RABGAP1L: variants seen among roughly 807,000 people sequenced by gnomAD.
RABGAP1L encodes the protein rab GTPase-activating protein 1-like.
Under a neutral mutation model 137.7 loss-of-function variants are expected in RABGAP1L, and 63 were observed. The observed-to-expected ratio is 0.46, with a 90% CI of 0.37 to 0.56. The LOEUF (loss-of-function observed/expected upper bound fraction) is 0.56, where lower values mean the gene tolerates loss of function less well. Among genes scored for constraint, RABGAP1L ranks in the 20% least tolerant of loss-of-function variants. RABGAP1L has a pLI of 0.00. For missense variants in RABGAP1L, 1,095 were observed against 1,244.0 expected (o/e 0.88, Z 1.80); for synonymous variants, 431 against 433.7 (o/e 0.99, Z 0.08).
intron 13 of RABGAP1L, among the ~76,000 whole-genome samples, chr1:174,474,131 A>G (rs1658240935): frequency 6.6e-6 from 1 of 152,202 alleles, no homozygotes; most frequent in African/African-American, 2.4e-5. Context: ...CCTAGTATAT[A>G]GTAGGTAGTT....
intron 11 of RABGAP1L, among the ~76,000 whole-genome samples, chr1:174,312,172 T>G (rs1678918234): frequency 6.6e-6 from 1 of 152,222 alleles, no homozygotes; most frequent in Non-Finnish European, 1.5e-5. Flanking sequence ...ACCTCCAAAC[T>G]GTTCTATATA....
intron 13 of RABGAP1L, among the ~76,000 whole-genome samples, chr1:174,502,668 G>A (rs550105910): frequency 2.4e-4 from 35 of 145,666 alleles, no homozygotes; most frequent in South Asian, 1.9e-3. Flanking sequence ...ATGTGTGTGT[G>A]TATATATACA....
intron 13 of RABGAP1L, among the ~76,000 whole-genome samples, chr1:174,452,719 G>A (rs758707189): frequency 7.2e-5 from 11 of 152,004 alleles, no homozygotes; most frequent in African/African-American, 2.4e-4. Context: ...CTGCCACCAC[G>A]CCCAGCTAAT....
intron 13 of RABGAP1L, among the ~76,000 whole-genome samples, chr1:174,620,592 CA>C (rs1672359332): frequency 6.6e-6 from 1 of 151,998 alleles, no homozygotes; most frequent in Non-Finnish European, 1.5e-5. Context: ...CCAACGAGAA[CA>C]AAGACACAAC....
chr1:174,902,859 A>G (rs1212922270), intron 19 of RABGAP1L, among the ~76,000 whole-genome samples: 1 of 151,970 alleles, frequency 6.6e-6, no homozygotes, highest in East Asian at 1.9e-4. Flanking sequence ...CCACCTGGAT[A>G]TTTCGGTGCT....
At chr1:174,503,658 CAA>C (rs61588327) in intron 13 of RABGAP1L, among the ~76,000 whole-genome samples, 1 of 103,640 alleles carries the variant, frequency 9.6e-6, no homozygotes, top group East Asian at 3.7e-4. Context: ...GAGACTCCGT[CAA>C]AAAAAAAAAA....
At chr1:174,536,035 T>TTAA (rs1664861996) in intron 13 of RABGAP1L, among the ~76,000 whole-genome samples, 1 of 152,180 alleles carries the variant, frequency 6.6e-6, no homozygotes, top group African/African-American at 2.4e-5. Flanking sequence ...CATTGCTGAA[T>TTAA]TAATGTATAT....
chr1:174,939,747 T>A (rs1665535354), intron 19 of RABGAP1L, among the ~76,000 whole-genome samples: 1 of 152,194 alleles, frequency 6.6e-6, no homozygotes, highest in Non-Finnish European at 1.5e-5. Flanking sequence ...ATTTTCTCAT[T>A]TAGGTAACAA....
chr1:174,323,429 A>G (rs1211017362), intron 11 of RABGAP1L, among the ~76,000 whole-genome samples: 2 of 152,076 alleles, frequency 1.3e-5, no homozygotes, highest in African/African-American at 4.8e-5. Context: ...CTATATAACT[A>G]CACTCTTAAT....
At chr1:174,848,482 C>G (rs1371163027) in intron 19 of RABGAP1L, among the ~76,000 whole-genome samples, 3 of 148,882 alleles carry the variant, frequency 2.0e-5, no homozygotes, top group African/African-American at 7.7e-5. Flanking sequence ...TTGGAATACC[C>G]TGCAGTGTGA....
chr1:174,368,610 C>T (rs1322835028), intron 11 of RABGAP1L, among the ~76,000 whole-genome samples: 1 of 151,980 alleles, frequency 6.6e-6, no homozygotes, highest in Non-Finnish European at 1.5e-5. Flanking sequence ...TGTACTGTGT[C>T]GATATCCTTA....
In RABGAP1L at chr1:174,293,274, T is replaced by C. The variant is rs762916350; in HGVS notation, c.1324-11712T>C. Among the ~76,000 whole-genome samples the C allele has an allele frequency of 7.2e-4, 110 of 152,264 alleles. 1 individual carries two copies. Among genetic ancestry groups the C allele is most frequent in the Non-Finnish European group, 1.3e-3 (87 of 67,998 alleles). ...AAGAAAATCTAAGGACTTGTAACAT[T>C]GGAAACATTGACAGTGTACTTGCCC... On this transcript the variant is annotated intron_variant, in intron 10 of 25. Transcript: ENST00000681986.
chr1:174,195,084 T>G (rs955913664), intron 1 of RABGAP1L, among the ~76,000 whole-genome samples: 3 of 152,204 alleles, frequency 2.0e-5, no homozygotes, highest in East Asian at 3.8e-4. Flanking sequence ...ATGAGTGATC[T>G]CTTTTCTGAG....
chr1:174,901,977 GT>G (rs1247385761), intron 19 of RABGAP1L, among the ~76,000 whole-genome samples: 2 of 152,196 alleles, frequency 1.3e-5, no homozygotes, highest in African/African-American at 4.8e-5. Context: ...CCAGACCCCA[GT>G]TGCCTCAGTT....
intron 19 of RABGAP1L, among the ~76,000 whole-genome samples, chr1:174,909,953 C>A (rs1228960368): frequency 2.0e-5 from 3 of 152,170 alleles, no homozygotes; most frequent in Non-Finnish European, 2.9e-5. Context: ...TCCTAGCTAA[C>A]ACGGTGAAAC....
chr1:174,720,686 G>T (rs1681455741), intron 17 of RABGAP1L, among the ~76,000 whole-genome samples: 1 of 152,100 alleles, frequency 6.6e-6, no homozygotes, highest in Admixed American at 6.5e-5. Flanking sequence ...CCATATAAAA[G>T]AATGAAGTTG....
intron 17 of RABGAP1L, among the ~76,000 whole-genome samples, chr1:174,728,018 C>T (rs1682136484): frequency 6.6e-6 from 1 of 152,156 alleles, no homozygotes; most frequent in African/African-American, 2.4e-5. Context: ...TCAGCAGTTA[C>T]ATTTTGTCAT....
At chr1:174,506,454 C>T (rs1292685571) in intron 13 of RABGAP1L, among the ~76,000 whole-genome samples, 1 of 152,026 alleles carries the variant, frequency 6.6e-6, no homozygotes, top group African/African-American at 2.4e-5. Flanking sequence ...AATGGCAGTA[C>T]GTCATTTAGA....
chr1:174,512,745 G>A (rs1359053362), intron 13 of RABGAP1L, among the ~76,000 whole-genome samples: 2 of 152,122 alleles, frequency 1.3e-5, no homozygotes, highest in Admixed American at 1.3e-4. Context: ...CTCACTGGGT[G>A]CACTGGGGGA....
Sources: gnomAD v4.1 joint callset for allele counts (sites outside exome capture counted in the v4.1 genomes callset) on GRCh38, gnomAD v4.1.1 for gene constraint, MANE v1.5 for transcripts, NCBI Gene and HGNC (gene_info 2026-07-23, HGNC 2026-07-21) for gene names.